Variants in ZNF469 observed in about 807,000 individuals in gnomAD.
ZNF469 encodes zinc finger protein 469.
Under a neutral mutation model 1.0 loss-of-function variants are expected in ZNF469, and 1 was observed. The ratio of observed to expected loss-of-function variants is 1.00; its 90% CI spans 0.35 to 4.73. ZNF469 has a LOEUF of 4.73. Among genes scored for constraint, ZNF469 ranks in the 30% most tolerant of loss-of-function variants. ZNF469 has a pLI of 0.16. For missense variants in ZNF469, 6,100 were observed against 5,356.3 expected, an observed-to-expected ratio of 1.14 and a Z score of -4.33; for synonymous variants, 2,703 against 2,363.4, an observed-to-expected ratio of 1.14 and a Z score of -4.17.
chr16:88,411,692 C>T (rs1282907385), intron 1 of ZNF469, among the ~76,000 whole-genome samples: 2 of 152,154 alleles, frequency 1.3e-5, no homozygotes, highest in African/African-American at 2.4e-5. Context: ...CCTGAGGTGG[C>T]GCAGGGTGGA....
At chr16:88,263,400 G>A in the ZNF469 span, among the ~76,000 whole-genome samples, 1 of 152,214 alleles carries the variant, frequency 6.6e-6, no homozygotes, top group Admixed American at 6.5e-5. Flanking sequence ...CCCGCTCCCT[G>A]TGTCTGCCCA....
Position 88,434,833 on chromosome 16 carries a change from C to G in ZNF469, c.7363C>G (p.Pro2455Ala), listed in dbSNP as rs932112589. ...GAGGTCCCGTGGCTATAAAAAGAAG[C>G]CTGCATCTACAGAGAACGGCCAGTG... Reference protein sequence around the residue: ...KQRSRGYKKKPASTENGQWKG... With the variant: ...KQRSRGYKKKAASTENGQWKG... Residue 2455 changes from proline (P) to alanine (A), a missense_variant, in exon 3 of 3, where the codon CCT (proline) becomes GCT (alanine). Pro to Ala is a conservative substitution (Grantham distance 27). Transcript: ENST00000565624. 3 of 1,550,368 alleles carry G rather than the reference C, an allele frequency of 1.9e-6. No individual in the cohort carries two copies. The highest frequency in any genetic ancestry group is 2.6e-6 in the Non-Finnish European group (3 of 1,146,990).
chr16:88,411,804 G>A (rs1006674864), intron 1 of ZNF469, among the ~76,000 whole-genome samples: 6 of 152,154 alleles, frequency 3.9e-5, no homozygotes, highest in Non-Finnish European at 2.9e-5. Context: ...GGGAGTGTGT[G>A]AGGCCCCCAC....
At chr16:88,301,295 C>T in the ZNF469 span, among the ~76,000 whole-genome samples, 1 of 152,014 alleles carries the variant, frequency 6.6e-6, no homozygotes, top group African/African-American at 2.4e-5. Flanking sequence ...GCTGGGACTA[C>T]AGGTGCCCGC....
At chr16:88,264,517 A>C in the ZNF469 span, among the ~76,000 whole-genome samples, 1 of 133,740 alleles carries the variant, frequency 7.5e-6, no homozygotes, top group African/African-American at 2.9e-5. Flanking sequence ...GAGCCATGGC[A>C]CCTTCCAATA....
chr16:88,370,614 T>G, the ZNF469 span, among the ~76,000 whole-genome samples: 2 of 152,146 alleles, frequency 1.3e-5, no homozygotes, highest in Non-Finnish European at 1.5e-5. Flanking sequence ...CATGTTTGTG[T>G]CCAGGGCCCA....
At chr16:88,155,056 A>G in the ZNF469 span, among the ~76,000 whole-genome samples, 3 of 152,168 alleles carry the variant, frequency 2.0e-5, no homozygotes, top group East Asian at 3.9e-4. Context: ...ATTCTGCATC[A>G]CCAGCAGACC....
the ZNF469 span, among the ~76,000 whole-genome samples, chr16:88,211,352 T>G: frequency 1.3e-5 from 2 of 152,208 alleles, no homozygotes; most frequent in East Asian, 3.9e-4. Context: ...AGGCAGGCAT[T>G]AGTTAAATGC....
chr16:88,370,861 G>A, the ZNF469 span, among the ~76,000 whole-genome samples: 1 of 152,234 alleles, frequency 6.6e-6, no homozygotes, highest in African/African-American at 2.4e-5. Flanking sequence ...AGTAGAAAAA[G>A]CTTGGAAAGT....
the ZNF469 span, among the ~76,000 whole-genome samples, chr16:88,128,612 C>T: frequency 5.3e-5 from 8 of 152,200 alleles, no homozygotes; most frequent in East Asian, 1.2e-3. Context: ...ACAAGAGACC[C>T]CCTCCCGCAG....
chr16:88,336,270 T>C, the ZNF469 span, among the ~76,000 whole-genome samples: 2 of 150,476 alleles, frequency 1.3e-5, no homozygotes, highest in African/African-American at 4.9e-5. Context: ...CACATGTTCA[T>C]CCTTCATGTG....
In ZNF469 at chr16:88,437,720, C is replaced by T. The variant is rs1241294520; in HGVS notation, c.10250C>T (p.Ser3417Phe). ...ACGGTTATGCGCATCATCAAGAAGTCCTTCGCCTGCAGCTCCTGCAACTAC... is the reference window on the plus strand; with the variant it reads ...ACGGTTATGCGCATCATCAAGAAGTTCTTCGCCTGCAGCTCCTGCAACTAC... ...CATVMRIIKK[S>F]FACSSCNYTF... The change falls in exon 3 of 3, where the codon TCC becomes TTC. Residue 3417 changes from serine to phenylalanine, a missense_variant. Physicochemically the swap from Ser to Phe is radical, Grantham distance 155 (BLOSUM62 -2). Transcript: ENST00000565624. The T allele has an allele frequency of 1.3e-6, 2 of 1,549,732 alleles. No homozygotes were observed. The highest frequency in any genetic ancestry group is 2.7e-5 in the African/African-American group (2 of 73,042).
rs749120381 is a variant in ZNF469 at position 88,431,381 on chromosome 16, G to A, written c.3911G>A (p.Gly1304Asp). The A allele has an allele frequency of 5.2e-6, 8 of 1,549,974 alleles. No individual in the cohort carries two copies. In the African/African-American group the frequency reaches 9.6e-5, roughly 19 times the overall value. Residue 1304 changes from glycine to aspartate, a missense_variant, in exon 3 of 3, where the codon GGT becomes GAT. Physicochemically the swap from Gly to Asp is moderately conservative, Grantham distance 94. Coordinates refer to ENST00000565624, the MANE Select transcript of ZNF469 (RefSeq NM_001367624.2). ...CCAGGTGTGGGCAGCCTGCTGGGTG[G>A]TCCTGGGGGCACACAGGCCCCAGTC... ...PTPGVGSLLG[G>D]PGGTQAPVSH... is the part of the protein sequence containing the mutation.
At chr16:88,368,059 G>A in the ZNF469 span, among the ~76,000 whole-genome samples, 1 of 152,218 alleles carries the variant, frequency 6.6e-6, no homozygotes, top group Non-Finnish European at 1.5e-5. Context: ...ATTATTTTAG[G>A]ACTTGCCTTC....
chr16:88,138,142 A>T, the ZNF469 span, among the ~76,000 whole-genome samples: 2 of 152,190 alleles, frequency 1.3e-5, no homozygotes, highest in African/African-American at 4.8e-5. Context: ...CACATTCTAG[A>T]ATGTTCCATG....
upstream of ZNF469, among the ~76,000 whole-genome samples, chr16:88,380,166 C>CATGCACTCACACACAA (rs1307409653): frequency 1.4e-5 from 2 of 146,684 alleles, no homozygotes; most frequent in East Asian, 4.1e-4. Flanking sequence ...CACTCACAGA[C>CATGCACTCACACACAA]ATGCACTCAC....
chr16:88,115,362 C>T, the ZNF469 span, among the ~76,000 whole-genome samples: 27 of 151,782 alleles, frequency 1.8e-4, no homozygotes, highest in Admixed American at 1.4e-3. Context: ...ACATGTGTGA[C>T]GCTCATATGT....
chr16:88,354,842 G>T, the ZNF469 span, among the ~76,000 whole-genome samples: 1 of 152,220 alleles, frequency 6.6e-6, no homozygotes, highest in Non-Finnish European at 1.5e-5. Flanking sequence ...TCTCAGCCCT[G>T]AGGCTCCAGG....
chr16:88,423,636 G>C (rs556629073), intron 1 of ZNF469, among the ~76,000 whole-genome samples: 2 of 152,350 alleles, frequency 1.3e-5, no homozygotes, highest in South Asian at 4.1e-4. Flanking sequence ...GTTGCGGTCA[G>C]AATGTCAGCA....
Sources: allele counts gnomAD v4.1 joint callset (sites outside exome capture counted in the v4.1 genomes callset), GRCh38; gene constraint gnomAD v4.1.1; transcripts MANE v1.5; gene names NCBI Gene and HGNC (gene_info 2026-07-23, HGNC 2026-07-21).